Variants in ANAPC7 observed in about 807,000 individuals in gnomAD.
ANAPC7 encodes the protein anaphase promoting complex subunit 7, also known as anaphase-promoting complex subunit 7.
In ANAPC7, 25 loss-of-function variants were observed where a neutral mutation model predicts 63.3. The observed-to-expected ratio is 0.39, with a 90% CI of 0.29 to 0.55. ANAPC7 has a LOEUF of 0.55. Among genes scored for constraint, ANAPC7 ranks in the 20% least tolerant of loss-of-function variants. The probability of loss-of-function intolerance (pLI) is 0.57; values close to 1 mark genes in which losing one functional copy is unlikely to be tolerated. For synonymous variants in ANAPC7, 241 were observed against 251.7 expected, an observed-to-expected ratio of 0.96 and a Z score of 0.40; for missense variants, 516 against 691.7, an observed-to-expected ratio of 0.75 and a Z score of 2.85.
intron 1 of ANAPC7, among the ~76,000 whole-genome samples, chr12:110,399,855 G>A (rs1447549092): frequency 6.6e-5 from 10 of 151,644 alleles, no homozygotes; most frequent in Non-Finnish European, 2.9e-5. Flanking sequence ...CAGCACTTTG[G>A]GAGGCCAAGG....
At chr12:110,378,846 C>T (rs1052342009) in intron 8 of ANAPC7, 1 of 151,840 alleles carries the variant, frequency 6.6e-6, no homozygotes, top group Non-Finnish European at 1.5e-5. Context: ...CCAGAAATTA[C>T]CTAACTCTAA....
At position 110,377,438 on chromosome 12, in the gene ANAPC7, T is replaced by C; in HGVS notation, c.1312A>G (p.Arg438Gly). The change falls in exon 9 of 11, where the codon AGG becomes GGG. Residue 438 changes from arginine (R) to glycine (G), a missense_variant. This residue lies in a region of ANAPC7 where 122 missense variants were observed against 212.0 expected (regional missense o/e 0.58). Transcript: ENST00000455511. ...ACCACAGCCTTAATGTAATCTGGCC[T>C]TTGGGTCAGGGCTTTATCTAATAAT... ...KTLLDKALTQ[R>G]PDYIKAVVKK... The C allele has an allele frequency of 6.2e-7, 1 of 1,614,186 alleles. No individual in the cohort carries two copies. Among genetic ancestry groups the C allele is most frequent in the South Asian group, 1.1e-5 (1 of 91,080 alleles).
chr12:110,397,571 A>AC (rs2137987803), intron 1 of ANAPC7, among the ~76,000 whole-genome samples: 1 of 151,316 alleles, frequency 6.6e-6, no homozygotes, highest in East Asian at 1.9e-4. Context: ...AAAAAAAAAA[A>AC]ACACTAAAAA....
chr12:110,385,254 GAAACTCCGTCTC>G (rs1882350778), intron 6 of ANAPC7, among the ~76,000 whole-genome samples: 1 of 152,176 alleles, frequency 6.6e-6, no homozygotes, highest in African/African-American at 2.4e-5. Flanking sequence ...CGACAAGAGT[GAAACTCCGTCTC>G]AAACAAACAA....
At position 110,401,937 on chromosome 12, in the gene ANAPC7, C is replaced by T. The variant is rs367618463; in HGVS notation, c.101+1590G>A. 6.8e-4 allele frequency among the ~76,000 whole-genome samples: 82 copies of T among 119,930 alleles called. 5 individuals carry two copies. The South Asian group carries it at 0.02, about 29-fold the overall frequency. 78.7% of individuals were successfully genotyped at this position (119,930 alleles called of 152,430 possible). A position where few individuals can be genotyped will look rare whatever the true frequency, so the allele number is the denominator to read the frequency against. ...TGCAGTGAGCCAAGATCGTGCAGAG[C>T]GAGACTCCGTCTCAAAAAAAAAAAA... On this transcript the variant is annotated intron_variant, in intron 1 of 10. Transcript: ENST00000455511.
intron 10 of ANAPC7, 31 bp downstream of exon 10, chr12:110,376,035 T>C (rs1250216692): frequency 1.3e-6 from 2 of 1,596,296 alleles, no homozygotes; most frequent in African/African-American, 2.7e-5. Context: ...CCCTCCTCAG[T>C]GGCCTTCCCC....
In ANAPC7 at chr12:110,373,947, G is replaced by A. The variant is rs990261817; in HGVS notation, c.*197C>T. ...TCCCTGGCTGGAGCAGGGGAGGATG[G>A]AGATACATGGAAGGTTGGTCAGGCT... On this transcript the variant is annotated 3_prime_UTR_variant, in exon 11 of 11. Coordinates refer to ENST00000455511, the MANE Select transcript of ANAPC7 (RefSeq NM_016238.3). 5.6e-6 allele frequency: 3 copies of A among 539,362 alleles called. No homozygotes were observed. The highest frequency in any genetic ancestry group is 9.2e-6 in the Non-Finnish European group (3 of 326,634). The allele number at this position is 539,362 out of a possible 1,614,324, so 33.4% of individuals were successfully genotyped here. A position where few individuals can be genotyped will look rare whatever the true frequency, so the allele number is the denominator to read the frequency against.
At chr12:110,387,423 GAGAGAGAGA>G (rs1882702011) in intron 5 of ANAPC7, 1 of 136,672 alleles carries the variant, frequency 7.3e-6, no homozygotes, top group Non-Finnish European at 1.4e-5. Flanking sequence ...GAGAGAGAGA[GAGAGAGAGA>G]CCGACCTTGT....
chr12:110,382,805 A>G (rs762826034), intron 7 of ANAPC7, 38 bp downstream of exon 7: 2 of 1,500,136 alleles, frequency 1.3e-6, no homozygotes, highest in Non-Finnish European at 9.2e-7. Flanking sequence ...CTCTTAATCT[A>G]CTGACAACTG....
intron 3 of ANAPC7, among the ~76,000 whole-genome samples, chr12:110,393,333 T>C (rs1883263683): frequency 6.6e-6 from 1 of 152,238 alleles, no homozygotes; most frequent in Non-Finnish European, 1.5e-5. Context: ...TAAATCATTA[T>C]TTCCTATAAT....
intron 3 of ANAPC7, among the ~76,000 whole-genome samples, chr12:110,394,609 T>C (rs1883400559): frequency 7.2e-6 from 1 of 139,842 alleles, no homozygotes; most frequent in African/African-American, 2.7e-5. Flanking sequence ...CTGGGCAACT[T>C]TGCAGTGAGC....
chr12:110,397,137 T>C (rs1383892704), intron 1 of ANAPC7, among the ~76,000 whole-genome samples: 3 of 150,770 alleles, frequency 2.0e-5, no homozygotes, highest in Non-Finnish European at 4.4e-5. Context: ...CCAGGAGGCC[T>C]GTAGTGAGCC....
chr12:110,382,440 TTAAAAAAAAAAA>T (rs1166170149), intron 7 of ANAPC7, among the ~76,000 whole-genome samples: 4 of 26,764 alleles, frequency 1.5e-4, no homozygotes, highest in African/African-American at 7.2e-4. Flanking sequence ...GATTATCCTT[TTAAAAAAAAAAA>T]AAAAAAAAAA....
intron 3 of ANAPC7, among the ~76,000 whole-genome samples, chr12:110,391,308 A>C (rs1203648718): frequency 6.6e-6 from 1 of 152,214 alleles, no homozygotes; most frequent in Non-Finnish European, 1.5e-5. Flanking sequence ...AAACTGAGTA[A>C]GAAATTCTAT....
chr12:110,383,626 T>C (rs1018699750), intron 6 of ANAPC7, among the ~76,000 whole-genome samples: 1 of 151,868 alleles, frequency 6.6e-6, no homozygotes, highest in Non-Finnish European at 1.5e-5. Flanking sequence ...TTCATGCCTG[T>C]AAACCCAGCA....
chr12:110,387,556 C>T (rs766877353), intron 5 of ANAPC7, 183 bp downstream of exon 5: 2 of 620,416 alleles, frequency 3.2e-6, no homozygotes, highest in Non-Finnish European at 5.3e-6. Flanking sequence ...TTACAGGTCT[C>T]CAACAGAGAT....
At chr12:110,379,266 GA>G (rs773020694) in intron 8 of ANAPC7, 1 of 152,064 alleles carries the variant, frequency 6.6e-6, no homozygotes, top group African/African-American at 2.4e-5. Context: ...TGGAACTTCA[GA>G]AAAAAACAGA....
rs988247686 is a variant in ANAPC7 at position 110,403,503 on chromosome 12, A to G, written c.101+24T>C. On this transcript the variant is annotated intron_variant, in intron 1 of 10. Coordinates refer to ENST00000455511, the MANE Select transcript of ANAPC7 (RefSeq NM_016238.3). ...CCGCCGCCGCTTTCTCCTCAGCCCC[A>G]GGCAGCTACCCGCCTCAACTCACGG... is the stretch of plus-strand genomic sequence containing the variant. The G allele has an allele frequency of 1.9e-6, 3 of 1,566,706 alleles. No homozygotes were observed. The African/African-American group carries it at 4.1e-5, about 21-fold the overall frequency.
chr12:110,376,889 G>A (rs968237352), intron 9 of ANAPC7, among the ~76,000 whole-genome samples: 2 of 151,890 alleles, frequency 1.3e-5, no homozygotes, highest in African/African-American at 4.8e-5. Context: ...TTGGGAGGCC[G>A]AGGCGGGTGG....
Sources: allele counts gnomAD v4.1 joint callset (sites outside exome capture counted in the v4.1 genomes callset), GRCh38; gene constraint gnomAD v4.1.1; regional missense constraint gnomAD v4.1.1; transcripts MANE v1.5; gene names NCBI Gene and HGNC (gene_info 2026-07-23, HGNC 2026-07-21).